ATP2A2: variants seen among roughly 807,000 people sequenced by gnomAD.
ATP2A2 encodes the protein ATPase sarcoplasmic/endoplasmic reticulum Ca2+ transporting 2, also known as sarcoplasmic/endoplasmic reticulum calcium ATPase 2.
A neutral mutation model predicts 109.3 loss-of-function variants in ATP2A2; 14 were observed. That is an observed-to-expected ratio of 0.13 (90% confidence interval 0.08 to 0.20). The LOEUF is 0.20. Among genes scored for constraint, ATP2A2 ranks in the 10% least tolerant of loss-of-function variants. ATP2A2 has a pLI of 1.00. For missense variants in ATP2A2, 657 were observed against 1,321.6 expected, an observed-to-expected ratio of 0.50 and a Z score of 7.80; for synonymous variants, 506 against 490.9, an observed-to-expected ratio of 1.03 and a Z score of -0.41.
At chr12:110,316,456 T>G (rs1876678035) in intron 5 of ATP2A2, among the ~76,000 whole-genome samples, 1 of 152,256 alleles carries the variant, frequency 6.6e-6, no homozygotes, top group African/African-American at 2.4e-5. Context: ...CCCTGATTTT[T>G]TATTGTTTCT....
Position 110,346,438 on chromosome 12 carries a change from G to A in ATP2A2, c.3097G>A (p.Asp1033Asn). ...MPLVIWVYST[D>N]TNFSDMFWS is the part of the protein sequence containing the mutation. ...CCTGGTGATCTGGGTCTATAGCACA[G>A]ACACTAACTTTAGCGATATGTTCTG... Residue 1033 changes from aspartate (D) to asparagine (N), a missense_variant, in exon 20 of 20, where the codon GAC (aspartate) becomes AAC (asparagine). Asp to Asn is a conservative substitution (Grantham distance 23). Around this residue, in one of 9 missense-constraint regions of ATP2A2, gnomAD observed 53 missense variants for 61.2 expected, o/e 0.87. Transcript: ENST00000539276. 13 of 1,614,260 alleles carry A rather than the reference G, an allele frequency of 8.1e-6. No individual in the cohort carries two copies. Among genetic ancestry groups the A allele is most frequent in the African/African-American group, 1.3e-5 (1 of 75,062 alleles).
intron 5 of ATP2A2, among the ~76,000 whole-genome samples, chr12:110,313,088 CT>C (rs1876265040): frequency 6.6e-6 from 1 of 152,084 alleles, no homozygotes; most frequent in African/African-American, 2.4e-5. Context: ...AATGAGAGTT[CT>C]CCTCAACCAT....
chr12:110,346,471 C>G lies in ATP2A2; in HGVS notation c.*1C>G, dbSNP rs1189991658. The G allele has an allele frequency of 6.2e-7, 1 of 1,614,200 alleles. No individual in the cohort carries two copies. The highest frequency in any genetic ancestry group is 8.5e-7 in the Non-Finnish European group (1 of 1,180,034). On this transcript the variant is annotated 3_prime_UTR_variant, in exon 20 of 20. Transcript: ENST00000539276. ...CTTTAGCGATATGTTCTGGTCTTGA[C>G]TGACAGTTTTCCATAAAGAAGATGT...
At chr12:110,300,074 C>T (rs1034966724) in intron 5 of ATP2A2, among the ~76,000 whole-genome samples, 1 of 150,568 alleles carries the variant, frequency 6.6e-6, no homozygotes, top group Non-Finnish European at 1.5e-5. Flanking sequence ...CTCCTTCCGT[C>T]AGTCTGTCCG....
rs571957511 is a variant in ATP2A2, at chr12:110,313,866, C to T, written c.464-9126C>T. 3.3e-5 allele frequency among the ~76,000 whole-genome samples: 5 copies of T among 150,506 alleles called. No homozygotes were observed. In the East Asian group the frequency reaches 1.0e-3, roughly 30 times the overall value. On this transcript the variant is annotated intron_variant, in intron 5 of 19. Transcript: ENST00000539276. Reference sequence around the variant, plus strand: ...GCTGGAATTACAGGTGTGCACCACCCCACCTGGCTATTTTGTATTTTTTTT... The same window carrying T: ...GCTGGAATTACAGGTGTGCACCACCTCACCTGGCTATTTTGTATTTTTTTT...
intron 5 of ATP2A2, among the ~76,000 whole-genome samples, chr12:110,320,159 A>G (rs1191320227): frequency 2.0e-5 from 3 of 152,202 alleles, no homozygotes; most frequent in African/African-American, 7.2e-5. Flanking sequence ...ACAGCAAAAC[A>G]CATGCCAAAA....
chr12:110,318,779 C>A (rs1181517093), intron 5 of ATP2A2, among the ~76,000 whole-genome samples: 2 of 152,184 alleles, frequency 1.3e-5, no homozygotes, highest in East Asian at 1.9e-4. Flanking sequence ...CAGTCTATGG[C>A]AGGTTTTTTG....
At chr12:110,305,869 CTGTTTTTTTTT>C (rs1244714871) in intron 5 of ATP2A2, among the ~76,000 whole-genome samples, 12 of 142,596 alleles carry the variant, frequency 8.4e-5, no homozygotes, top group East Asian at 2.1e-4. Flanking sequence ...ATAGGGATGT[CTGTTTTTTTTT>C]TGTTTTTTTT....
At position 110,339,452 on chromosome 12, in the gene ATP2A2, C is replaced by G; in HGVS notation, c.1542+49C>G. On this transcript the variant is annotated intron_variant, in intron 12 of 19. Transcript: ENST00000539276. The surrounding 1 kb of genome is among the most constrained non-coding windows in gnomAD (Gnocchi z 4.4). ...AGATGTTCTTGCCAGGGTTAAGATC[C>G]CGGTGAACCAATAAAACAAAATTGT... 6.2e-7 allele frequency: 1 copy of G among 1,614,072 alleles called. No individual in the cohort carries two copies. The highest frequency in any genetic ancestry group is 8.5e-7 in the Non-Finnish European group (1 of 1,180,022).
intron 7 of ATP2A2, 145 bp downstream of exon 7, chr12:110,326,620 G>T (rs761980835): frequency 3.5e-5 from 31 of 886,750 alleles, no homozygotes; most frequent in Non-Finnish European, 4.6e-5. Flanking sequence ...TCAGAATATG[G>T]CAGTAACATA....
chr12:110,339,166 T>C lies in ATP2A2; in HGVS notation c.1420-115T>C. The C allele has an allele frequency of 6.9e-7, 1 of 1,446,026 alleles. No individual in the cohort carries two copies. Among genetic ancestry groups the C allele is most frequent in the Non-Finnish European group, 9.6e-7 (1 of 1,039,996 alleles). The allele number at this position is 1,446,026 out of a possible 1,614,324, so 89.6% of individuals were successfully genotyped here. On this transcript the variant is annotated intron_variant, in intron 11 of 19. Transcript: ENST00000539276. This position sits in a 1 kb window ranked among gnomAD's most constrained non-coding sequence, Gnocchi z 4.4. ...TTCATGAGGGCAAAAACCTGTCTGT[T>C]TTGTTTATTGCTATATTCCTAGCAT...
At position 110,284,761 on chromosome 12, in the gene ATP2A2, CTG is replaced by C. The variant is rs1188256657; in HGVS notation, c.219+1970_219+1971del. On this transcript the variant is annotated intron_variant, in intron 3 of 19. Coordinates refer to ENST00000539276, the MANE Select transcript of ATP2A2 (RefSeq NM_170665.4). ...GTGGAGTTACTGCTCAGGAAATGAACTGTGTTACATTTTTATTTTATGAGTTG... is the reference window on the plus strand; with the variant it reads ...GTGGAGTTACTGCTCAGGAAATGAACTGTTACATTTTTATTTTATGAGTTG... Among the ~76,000 whole-genome samples, 7 of 152,242 alleles carry C rather than the reference CTG, an allele frequency of 4.6e-5. No homozygotes were observed. In the South Asian group the frequency reaches 1.0e-3, roughly 23 times the overall value.
At chr12:110,334,168 G>A in intron 11 of ATP2A2, 25 bp downstream of exon 11, 1 of 1,613,050 alleles carries the variant, frequency 6.2e-7, no homozygotes, top group East Asian at 2.2e-5. Flanking sequence ...CTGGTTTATT[G>A]TTCATGCTGC....
chr12:110,284,917 C>A (rs1872517455), intron 3 of ATP2A2, among the ~76,000 whole-genome samples: 1 of 152,122 alleles, frequency 6.6e-6, no homozygotes, highest in Admixed American at 6.5e-5. Flanking sequence ...TTGGGTACTG[C>A]TGCTGCATTG....
chr12:110,318,850 A>G (rs1386795805), intron 5 of ATP2A2, among the ~76,000 whole-genome samples: 1 of 152,216 alleles, frequency 6.6e-6, no homozygotes, highest in African/African-American at 2.4e-5. Context: ...CCAATTAAAC[A>G]TAGAAACTCT....
rs913376146 is a variant in ATP2A2, at chr12:110,342,857, G to C, written c.2319-375G>C. On this transcript the variant is annotated intron_variant, in intron 15 of 19. Transcript: ENST00000539276. This position sits in a 1 kb window ranked among gnomAD's most constrained non-coding sequence, Gnocchi z 4.6. ...TGTCCCCTCCACCTCCTGGGTTCAA[G>C]CCTCCCGAACAGCTGGGATTACAGG... 2.6e-5 allele frequency among the ~76,000 whole-genome samples: 4 copies of C among 152,102 alleles called. No homozygotes were observed. Among genetic ancestry groups the C allele is most frequent in the African/African-American group, 9.7e-5 (4 of 41,420 alleles).
chr12:110,299,264 G>A (rs1251069334), intron 5 of ATP2A2, among the ~76,000 whole-genome samples: 1 of 151,856 alleles, frequency 6.6e-6, no homozygotes, highest in Admixed American at 6.6e-5. Context: ...AGCCCACTGC[G>A]CCTGGCCCAC....
rs1178294187 is a variant in ATP2A2, at chr12:110,349,518, G to A, written c.*3048G>A. ...CAGATGATCCATTCTGGAGGAAGCTGTCCCTTGAGCTCAGTGAGCTCCCAG... is the reference window on the plus strand; with the variant it reads ...CAGATGATCCATTCTGGAGGAAGCTATCCCTTGAGCTCAGTGAGCTCCCAG... On this transcript the variant is annotated 3_prime_UTR_variant, in exon 20 of 20. Coordinates refer to ENST00000539276, the MANE Select transcript of ATP2A2 (RefSeq NM_170665.4). 3.0e-6 allele frequency: 3 copies of A among 985,934 alleles called. No individual in the cohort carries two copies. The highest frequency in any genetic ancestry group is 1.1e-4 in the East Asian group (1 of 8,824). The allele number at this position is 985,934 out of a possible 1,614,324, so 61.1% of individuals were successfully genotyped here. A position where few individuals can be genotyped will look rare whatever the true frequency, so the allele number is the denominator to read the frequency against.
chr12:110,292,251 G>A, intron 4 of ATP2A2, 127 bp downstream of exon 4: 2 of 763,160 alleles, frequency 2.6e-6, no homozygotes, highest in Non-Finnish European at 4.5e-6. Context: ...AAGTTTACAT[G>A]TATTTTCCCT....
Sources: allele counts gnomAD v4.1 joint callset (sites outside exome capture counted in the v4.1 genomes callset), GRCh38; gene constraint gnomAD v4.1.1; regional missense constraint gnomAD v4.1.1; non-coding constraint Gnocchi (gnomAD v3.1); transcripts MANE v1.5; gene names NCBI Gene and HGNC (gene_info 2026-07-23, HGNC 2026-07-21).